RTF2: variants seen among roughly 807,000 people sequenced by gnomAD.
The protein encoded by RTF2 is replication termination factor 2, also known as UPF0549 protein C20orf43.
In RTF2, 18 loss-of-function variants were observed where a neutral mutation model predicts 38.0. That is an observed-to-expected ratio of 0.47 (90% CI 0.33 to 0.70). The LOEUF (loss-of-function observed/expected upper bound fraction) is 0.70, where lower values mean the gene tolerates loss of function less well. Among genes scored for constraint, RTF2 ranks in the 30% least tolerant of loss-of-function variants. The pLI is 0.02. For synonymous variants in RTF2, 126 were observed against 137.1 expected, an observed-to-expected ratio of 0.92 and a Z score of 0.57; for missense variants, 311 against 379.6, an observed-to-expected ratio of 0.82 and a Z score of 1.50.
At chr20:56,508,727 T>C (rs1984439289) in intron 5 of RTF2, among the ~76,000 whole-genome samples, 1 of 152,178 alleles carries the variant, frequency 6.6e-6, no homozygotes, top group Non-Finnish European at 1.5e-5. Flanking sequence ...CTCACATGTA[T>C]GGTCATTGAT....
intron 5 of RTF2, 139 bp downstream of exon 5, chr20:56,484,328 G>A (rs1600802438): frequency 1.4e-6 from 1 of 717,260 alleles, no homozygotes; most frequent in African/African-American, 1.7e-5. Flanking sequence ...CTTGGTTGCT[G>A]GAAGTGCAGA....
chr20:56,486,986 G>C (rs541520974), intron 5 of RTF2, among the ~76,000 whole-genome samples: 2 of 152,146 alleles, frequency 1.3e-5, no homozygotes, highest in African/African-American at 4.8e-5. Flanking sequence ...GGAAACCTTC[G>C]AATGCCAGAA....
rs1346844880 is a variant in RTF2 at position 56,517,193 on chromosome 20, A to G, written c.734A>G (p.Lys245Arg). The G allele has an allele frequency of 2.5e-6, 4 of 1,613,780 alleles. No homozygotes were observed. The highest frequency in any genetic ancestry group is 3.4e-6 in the Non-Finnish European group (4 of 1,179,856). The change falls in exon 8 of 9, where the codon AAA (lysine) becomes AGA (arginine). Residue 245 changes from lysine to arginine, a missense_variant. By Grantham distance (26) the Lys-to-Arg change is conservative. Coordinates refer to ENST00000357348, the MANE Select transcript of RTF2 (RefSeq NM_016407.5). ...SREKKTNLAP[K>R]STAMNESSSG... ...GAGAAGAAAACCAACTTGGCTCCCA[A>G]AAGCACAGGTGGGTCCTGTTGTAGC...
intron 3 of RTF2, among the ~76,000 whole-genome samples, chr20:56,475,763 T>C (rs1207695173): frequency 6.6e-6 from 1 of 152,204 alleles, no homozygotes. Context: ...AAAACAGTTA[T>C]TGAAATTAAT....
intron 5 of RTF2, among the ~76,000 whole-genome samples, chr20:56,511,231 G>T (rs894260194): frequency 1.3e-5 from 2 of 152,044 alleles, no homozygotes; most frequent in African/African-American, 4.8e-5. Flanking sequence ...TTAGGAACCG[G>T]GCCACACAGC....
At chr20:56,496,673 C>T (rs777338333) in intron 5 of RTF2, 2 of 1,542,388 alleles carry the variant, frequency 1.3e-6, no homozygotes, top group East Asian at 2.4e-5. Context: ...AGTAGTGTTG[C>T]TCTGGGCTGC....
At chr20:56,498,040 C>G (rs989352418) in intron 5 of RTF2, among the ~76,000 whole-genome samples, 2 of 152,062 alleles carry the variant, frequency 1.3e-5, no homozygotes, top group Admixed American at 6.6e-5. Flanking sequence ...ATGTTAGTTC[C>G]CTGTAGTTTT....
intron 4 of RTF2, among the ~76,000 whole-genome samples, chr20:56,480,094 G>T (rs1982456952): frequency 6.6e-6 from 1 of 152,110 alleles, no homozygotes; most frequent in African/African-American, 2.4e-5. Flanking sequence ...TTTAGCAGTA[G>T]AAGTCCTGGA....
intron 5 of RTF2, among the ~76,000 whole-genome samples, chr20:56,488,889 G>A (rs183903517): frequency 6.6e-5 from 10 of 151,982 alleles, no homozygotes; most frequent in East Asian, 3.9e-4. Flanking sequence ...CCTGCCTCTC[G>A]GCCTCCCTGC....
chr20:56,501,767 C>T (rs918691780), intron 5 of RTF2, among the ~76,000 whole-genome samples: 2 of 152,120 alleles, frequency 1.3e-5, no homozygotes, highest in Non-Finnish European at 2.9e-5. Context: ...ACTCAGGAGG[C>T]TGAGGTGGGA....
intron 6 of RTF2, chr20:56,516,590 C>A: frequency 3.0e-6 from 1 of 331,604 alleles, no homozygotes; most frequent in Non-Finnish European, 5.6e-6. Flanking sequence ...CATTTAAGTG[C>A]GCTTTTGTAT....
chr20:56,487,641 T>G (rs1487344638), intron 5 of RTF2, among the ~76,000 whole-genome samples: 1 of 152,244 alleles, frequency 6.6e-6, no homozygotes, highest in Non-Finnish European at 1.5e-5. Flanking sequence ...AGAACTGTGT[T>G]GAATACTCTG....
intron 6 of RTF2, among the ~76,000 whole-genome samples, chr20:56,514,650 C>T (rs989475805): frequency 3.3e-5 from 5 of 152,046 alleles, no homozygotes; most frequent in African/African-American, 9.6e-5. Flanking sequence ...TTTAAAAAGC[C>T]GAGGCTTGAG....
intron 1 of RTF2, among the ~76,000 whole-genome samples, chr20:56,471,171 G>T (rs1207110180): frequency 6.6e-6 from 1 of 152,190 alleles, no homozygotes; most frequent in Non-Finnish European, 1.5e-5. Flanking sequence ...TTAATTGTAA[G>T]ACACCTGGCT....
chr20:56,473,363 A>G lies in RTF2; in HGVS notation c.132A>G (p.Leu44=). The G allele has an allele frequency of 6.2e-7, 1 of 1,613,622 alleles. No homozygotes were observed. Among genetic ancestry groups the G allele is most frequent in the Non-Finnish European group, 8.5e-7 (1 of 1,179,572 alleles). ...WNYCTLSQEI[L]RRPIVACELG... is the part of the protein sequence containing the mutation. ...ATTGTACTCTAAGTCAGGAAATATT[A>G]AGACGACCAATAGTTGCCTGTGAAC... is the stretch of plus-strand genomic sequence containing the variant. Residue 44 remains leucine, a synonymous_variant, in exon 2 of 9, where the codon TTA becomes TTG. Transcript: ENST00000357348.
At chr20:56,469,318 CT>C (rs1242558215) in intron 1 of RTF2, among the ~76,000 whole-genome samples, 1 of 152,174 alleles carries the variant, frequency 6.6e-6, no homozygotes, top group Non-Finnish European at 1.5e-5. Context: ...AGGCTGTACC[CT>C]TTTTTTCTCT....
In RTF2 at chr20:56,518,322, G is replaced by T; in HGVS notation, c.*57G>T. The T allele has an allele frequency of 6.6e-7, 1 of 1,524,956 alleles. No homozygotes were observed. Among genetic ancestry groups the T allele is most frequent in the East Asian group, 2.3e-5 (1 of 44,344 alleles). The allele number at this position is 1,524,956 out of a possible 1,614,324, so 94.5% of individuals were successfully genotyped here. A position where few individuals can be genotyped will look rare whatever the true frequency, so the allele number is the denominator to read the frequency against. ...GGTTGTTTAGTTTCCACGTAGGCAG[G>T]TCGCTTTGTGCCTCTGAGTGCGCTG... On this transcript the variant is annotated 3_prime_UTR_variant, in exon 9 of 9. Transcript: ENST00000357348.
intron 5 of RTF2, among the ~76,000 whole-genome samples, chr20:56,490,638 C>A (rs6127769): frequency 0.05 from 7,560 of 152,202 alleles, 506 homozygotes; most frequent in East Asian, 0.29. Context: ...AACATGGAGA[C>A]ACCGCGTCTC....
intron 5 of RTF2, chr20:56,496,492 G>A (rs897600703): frequency 4.9e-6 from 4 of 822,676 alleles, no homozygotes; most frequent in South Asian, 2.3e-5. Context: ...AGCTTGCAGT[G>A]AGCCGAGATC....
Sources: gnomAD v4.1 joint callset for allele counts (sites outside exome capture counted in the v4.1 genomes callset) on GRCh38, gnomAD v4.1.1 for gene constraint, MANE v1.5 for transcripts, NCBI Gene and HGNC (gene_info 2026-07-23, HGNC 2026-07-21) for gene names.